Variants in CPE observed in about 807,000 individuals in gnomAD.
CPE encodes carboxypeptidase E, also known as carbocypeptidase E.
CPE carries 17 observed loss-of-function variants against 53.5 expected under a neutral mutation model. The ratio of observed to expected loss-of-function variants is 0.32; its 90% CI spans 0.22 to 0.48. The LOEUF is 0.48. CPE is among the 20% of genes least tolerant of loss of function. The probability of loss-of-function intolerance (pLI) is 0.99; values close to 1 mark genes in which losing one functional copy is unlikely to be tolerated. For synonymous variants in CPE, 226 were observed against 228.8 expected (o/e 0.99, Z 0.11); for missense variants, 524 against 614.7 (o/e 0.85, Z 1.56).
chr4:165,456,125 G>A (rs1016963983), intron 1 of CPE, among the ~76,000 whole-genome samples: 3 of 152,152 alleles, frequency 2.0e-5, no homozygotes, highest in Admixed American at 6.5e-5. Context: ...TGTGAAGGTC[G>A]TCTTGTAGGA....
At chr4:165,481,016 A>ATATATATATATATATAT (rs1491161430) in intron 3 of CPE, among the ~76,000 whole-genome samples, 17 of 110,986 alleles carry the variant, frequency 1.5e-4, no homozygotes, top group African/African-American at 5.4e-4. Flanking sequence ...ATATATATAT[A>ATATATATATATATATAT]TTTTTTTTTT....
Position 165,422,278 on chromosome 4 carries a change from C to G in CPE, c.308-42112C>G, listed in dbSNP as rs920178153. The stretch of plus-strand genomic sequence containing the variant: ...AATAAAGAGCTTAGGAAATTACTTA[C>G]TCAATTCATCGTTGTTCTTTCATCT... On this transcript the variant is annotated intron_variant, in intron 1 of 8. Coordinates refer to ENST00000402744, the MANE Select transcript of CPE (RefSeq NM_001873.4). Among the ~76,000 whole-genome samples, 6 of 138,480 alleles carry G rather than the reference C, an allele frequency of 4.3e-5. No homozygotes were observed. In the South Asian group the frequency reaches 1.4e-3, roughly 32 times the overall value. 90.8% of individuals were successfully genotyped at this position (138,480 alleles called of 152,430 possible). A position where few individuals can be genotyped will look rare whatever the true frequency, so the allele number is the denominator to read the frequency against.
chr4:165,495,423 T>C (rs1732689497), intron 7 of CPE, 136 bp from the exon 8 acceptor site: 1 of 611,386 alleles, frequency 1.6e-6, no homozygotes, highest in Non-Finnish European at 2.9e-6. Flanking sequence ...AAATTCCCTA[T>C]ATATTTACTT....
In CPE at chr4:165,467,874, T is replaced by C. The variant is rs369463243; in HGVS notation, c.672+19T>C. Reference sequence around the variant, plus strand: ...CACAAAGGTAGTGACCACGGGATAGTCTTCTTGGGTTCGTCTCTAGCCTAA... The same window carrying C: ...CACAAAGGTAGTGACCACGGGATAGCCTTCTTGGGTTCGTCTCTAGCCTAA... On this transcript the variant is annotated intron_variant, in intron 3 of 8. Coordinates refer to ENST00000402744, the MANE Select transcript of CPE (RefSeq NM_001873.4). 6.2e-7 allele frequency: 1 copy of C among 1,611,690 alleles called. No homozygotes were observed. Among genetic ancestry groups the C allele is most frequent in the Non-Finnish European group, 8.5e-7 (1 of 1,178,894 alleles).
intron 1 of CPE, among the ~76,000 whole-genome samples, chr4:165,435,600 T>C (rs1357149724): frequency 2.0e-5 from 3 of 152,220 alleles, no homozygotes; most frequent in African/African-American, 4.8e-5. Context: ...TGACCTCTTA[T>C]GTGCTTTTGT....
intron 2 of CPE, 114 bp downstream of exon 2, chr4:165,464,700 A>G (rs1342713238): frequency 1.2e-6 from 1 of 833,546 alleles, no homozygotes; most frequent in African/African-American, 1.7e-5. Context: ...GGTGCAGTGG[A>G]GGGCATAAGT....
chr4:165,395,640 T>C (rs1252786111), intron 1 of CPE, among the ~76,000 whole-genome samples: 3 of 152,206 alleles, frequency 2.0e-5, no homozygotes, highest in Admixed American at 2.0e-4. Flanking sequence ...GCTTAGAAAT[T>C]AAATAGCACA....
intron 1 of CPE, among the ~76,000 whole-genome samples, chr4:165,402,059 C>A (rs1730877333): frequency 1.3e-5 from 2 of 151,960 alleles, no homozygotes; most frequent in South Asian, 4.2e-4. Flanking sequence ...TCAGTTCTTT[C>A]TTCAGAAGGT....
At position 165,432,939 on chromosome 4, in the gene CPE, C is replaced by G. The variant is rs1731437424; in HGVS notation, c.308-31451C>G. Among the ~76,000 whole-genome samples the G allele has an allele frequency of 2.6e-5, 4 of 152,184 alleles. No homozygotes were observed. In the South Asian group the frequency reaches 8.3e-4, roughly 32 times the overall value. On this transcript the variant is annotated intron_variant, in intron 1 of 8. Coordinates refer to ENST00000402744, the MANE Select transcript of CPE (RefSeq NM_001873.4). ...GTTCACTGCTTTCCACGACCTCCAC[C>G]GCCAACCTAGTCCAAGCCAACAGCC...
chr4:165,381,128 T>C (rs542319074), intron 1 of CPE, among the ~76,000 whole-genome samples: 1 of 152,368 alleles, frequency 6.6e-6, no homozygotes, highest in South Asian at 2.1e-4. Context: ...TGAAAGCTAA[T>C]GTTTAACTTT....
intron 3 of CPE, among the ~76,000 whole-genome samples, chr4:165,481,191 A>C (rs1732406159): frequency 1.3e-5 from 2 of 152,170 alleles, no homozygotes; most frequent in Non-Finnish European, 2.9e-5. Context: ...TTAGGGTTTC[A>C]CTGACTGGAT....
intron 3 of CPE, among the ~76,000 whole-genome samples, chr4:165,471,987 T>C: frequency 6.6e-6 from 1 of 152,214 alleles, no homozygotes; most frequent in South Asian, 2.1e-4. Context: ...TACCCACAAA[T>C]AGTTTCCAAA....
At chr4:165,420,763 A>G (rs1731198258) in intron 1 of CPE, among the ~76,000 whole-genome samples, 1 of 152,184 alleles carries the variant, frequency 6.6e-6, no homozygotes, top group Non-Finnish European at 1.5e-5. Flanking sequence ...AAGCATTCAA[A>G]TAACCATTCT....
chr4:165,456,583 T>A (rs1410345668), intron 1 of CPE, among the ~76,000 whole-genome samples: 1 of 151,998 alleles, frequency 6.6e-6, no homozygotes, highest in Non-Finnish European at 1.5e-5. Flanking sequence ...TCTTTCTTTG[T>A]TTCGACGGAG....
intron 1 of CPE, chr4:165,418,080 G>A (rs1020162260): frequency 6.6e-6 from 1 of 152,164 alleles, no homozygotes; most frequent in African/African-American, 2.4e-5. Context: ...CACCAATGTA[G>A]GTAGTTATTC....
intron 4 of CPE, among the ~76,000 whole-genome samples, chr4:165,482,636 A>T (rs1050672348): frequency 6.6e-6 from 1 of 152,186 alleles, no homozygotes; most frequent in Non-Finnish European, 1.5e-5. Flanking sequence ...ACACGTCATA[A>T]ACTTGGGTCA....
At chr4:165,405,922 G>A in intron 1 of CPE, 1 of 731,556 alleles carries the variant, frequency 1.4e-6, no homozygotes, top group South Asian at 1.4e-5. Context: ...AGGATCCACT[G>A]ATGGCAGTCA....
At chr4:165,489,679 T>C (rs1732567220) in intron 6 of CPE, among the ~76,000 whole-genome samples, 1 of 152,202 alleles carries the variant, frequency 6.6e-6, no homozygotes. Context: ...AATCATCTCT[T>C]AGTTCTTGAG....
At chr4:165,460,014 G>T (rs936704058) in intron 1 of CPE, among the ~76,000 whole-genome samples, 2 of 151,378 alleles carry the variant, frequency 1.3e-5, no homozygotes, top group African/African-American at 4.9e-5. Context: ...GCTTCTAGCC[G>T]CTTTCCCCGC....
Sources: gnomAD v4.1 joint callset for allele counts (sites outside exome capture counted in the v4.1 genomes callset) on GRCh38, gnomAD v4.1.1 for gene constraint, MANE v1.5 for transcripts, NCBI Gene and HGNC (gene_info 2026-07-23, HGNC 2026-07-21) for gene names.